The following TMEM201 variants were observed in gnomAD, a reference collection of about 807,000 sequenced individuals.
TMEM201 encodes transmembrane protein 201, also known as RP13-15M17.2.
In TMEM201, 26 loss-of-function variants were observed where a neutral mutation model predicts 63.4. That is an observed-to-expected ratio of 0.41 (90% CI 0.30 to 0.57). The LOEUF is 0.57. TMEM201 is among the 20% of genes least tolerant of loss of function. The probability of loss-of-function intolerance (pLI) is 0.29; values close to 1 mark genes in which losing one functional copy is unlikely to be tolerated. For synonymous variants in TMEM201, 417 were observed against 421.6 expected, an observed-to-expected ratio of 0.99 and a Z score of 0.14; for missense variants, 794 against 917.7, an observed-to-expected ratio of 0.87 and a Z score of 1.74.
chr1:9,613,009 C>T lies in TMEM201; in HGVS notation c.1927C>T (p.Arg643Trp), dbSNP rs766120422. ...WRGRFGPSLV[R>W]GLLAVSLAAN... is the part of the protein sequence containing the mutation. ...AGGTCGTTTCGGCCCTTCCCTGGTC[C>T]GGGGCCTCCTGGCCGTGAGCTTGGC... is the stretch of plus-strand genomic sequence containing the variant. Residue 643 changes from arginine (R) to tryptophan (W), a missense_variant, in exon 11 of 11, where the codon CGG (arginine) becomes TGG (tryptophan). Physicochemically the swap from Arg to Trp is moderately radical, Grantham distance 101. Coordinates refer to ENST00000340381, the MANE Select transcript of TMEM201 (RefSeq NM_001130924.3). 59 of 1,551,430 alleles carry T rather than the reference C, an allele frequency of 3.8e-5. No homozygotes were observed. In the South Asian group the frequency reaches 5.8e-4, roughly 15 times the overall value.
chr1:9,611,611 C>G, intron 9 of TMEM201, 142 bp from the exon 10 acceptor site: 2 of 1,056,542 alleles, frequency 1.9e-6, no homozygotes, highest in South Asian at 1.5e-5. Context: ...TGGCCCCCCA[C>G]TGTCCAGGGT....
rs776571071 is a variant in TMEM201 at position 9,601,097 on chromosome 1, C to T, written c.607-8C>T. The stretch of plus-strand genomic sequence containing the variant: ...TCTCACTAACCCGCCTCTCTTCCTC[C>T]TTTGCAGAACTTCTCCTCCGCCGTG... On this transcript the variant is annotated splice_polypyrimidine_tract_variant and splice_region_variant and intron_variant, in intron 4 of 10. Coordinates refer to ENST00000340381, the MANE Select transcript of TMEM201 (RefSeq NM_001130924.3). 5.1e-6 allele frequency: 8 copies of T among 1,576,210 alleles called. No homozygotes were observed. Among genetic ancestry groups the T allele is most frequent in the Non-Finnish European group, 6.9e-6 (8 of 1,154,864 alleles).
At position 9,596,870 on chromosome 1, in the gene TMEM201, C is replaced by T. The variant is rs530720324; in HGVS notation, c.246C>T (p.Tyr82=). ...CCTCTCTCCCGCAGAACGGCGACTA[C>T]AACAAGCCGATCCCCGCCCAGTACT... is the stretch of plus-strand genomic sequence containing the variant. ...QYNGFQENGD[Y]NKPIPAQYLE... is the part of the protein sequence containing the mutation. The change falls in exon 3 of 11, where the codon TAC becomes TAT. Residue 82 remains tyrosine (Y), a synonymous_variant. Coordinates refer to ENST00000340381, the MANE Select transcript of TMEM201 (RefSeq NM_001130924.3). The T allele has an allele frequency of 4.9e-5, 78 of 1,591,894 alleles. 1 individual carries two copies. In the South Asian group the frequency reaches 7.8e-4, roughly 16 times the overall value.
chr1:9,595,786 C>T (rs1644006708), intron 1 of TMEM201, 104 bp from the exon 2 acceptor site: 2 of 1,544,998 alleles, frequency 1.3e-6, no homozygotes, highest in African/African-American at 1.4e-5. Context: ...CCAGATCCCA[C>T]TCCCAGCACC....
At position 9,607,711 on chromosome 1, in the gene TMEM201, C is replaced by A. The variant is rs754237560; in HGVS notation, c.1315C>A (p.Arg439=). Reference sequence around the variant, plus strand: ...CCAGCAGCTCTTCCGGTCTCCTCGACGGACCTCACCCTCCTCATTGCCTGG... The same window carrying A: ...CCAGCAGCTCTTCCGGTCTCCTCGAAGGACCTCACCCTCCTCATTGCCTGG... ...ANQQLFRSPR[R]TSPSSLPGRL... is the part of the protein sequence containing the mutation. The change falls in exon 7 of 11, where the codon CGG becomes AGG. Residue 439 remains arginine (R), a synonymous_variant. Transcript: ENST00000340381. The surrounding 1 kb of genome is among the most constrained non-coding windows in gnomAD (Gnocchi z 5.4). 6.4e-7 allele frequency: 1 copy of A among 1,551,900 alleles called. No homozygotes were observed. Among genetic ancestry groups the A allele is most frequent in the Admixed American group, 2.0e-5 (1 of 51,014 alleles).
chr1:9,613,242 C>T lies in TMEM201; in HGVS notation c.*159C>T. ...TGTCCTCAGGACACCTGCCCCTCCT[C>T]ACCTAACGGACTGCAGGGCTGAGCA... On this transcript the variant is annotated 3_prime_UTR_variant, in exon 11 of 11. Transcript: ENST00000340381. The T allele has an allele frequency of 3.1e-6, 2 of 654,948 alleles. No individual in the cohort carries two copies. The highest frequency in any genetic ancestry group is 2.7e-6 in the Non-Finnish European group (1 of 377,188). 40.6% of individuals were successfully genotyped at this position (654,948 alleles called of 1,614,324 possible).
intron 6 of TMEM201, chr1:9,606,083 C>G (rs1185869828): frequency 6.6e-6 from 1 of 152,336 alleles, no homozygotes; most frequent in African/African-American, 2.4e-5. Flanking sequence ...CTGCCCCTGC[C>G]TAAAGGTGCC....
rs114023239 is a variant in TMEM201 at position 9,601,242 on chromosome 1, G to T, written c.744G>T (p.Leu248=). Residue 248 remains leucine (L), a synonymous_variant, in exon 5 of 11, where the codon CTG becomes CTT. Coordinates refer to ENST00000340381, the MANE Select transcript of TMEM201 (RefSeq NM_001130924.3). ...TCGCCCCAGGCACCACTGTGCCCCT[G>T]GCCCTGCCACCTGGTGGCAATGGCT... The part of the protein sequence containing the change: ...GHFAPGTTVP[L]ALPPGGNGSA... 1,108 of 1,611,528 alleles carry T rather than the reference G, an allele frequency of 6.9e-4. 8 individuals are homozygous for T. The African/African-American group carries it at 0.013, about 19-fold the overall frequency.
At chr1:9,599,877 C>T (rs143244897) in intron 4 of TMEM201, among the ~76,000 whole-genome samples, 109 of 152,328 alleles carry the variant, frequency 7.2e-4, no homozygotes, top group African/African-American at 2.6e-3. Flanking sequence ...ACATTACAGG[C>T]GTGAGCCACT....
intron 6 of TMEM201, chr1:9,602,584 G>T (rs1644167322): frequency 7.8e-7 from 1 of 1,279,944 alleles, no homozygotes; most frequent in African/African-American, 1.5e-5. Context: ...GCCCACACAG[G>T]CTCTGGCCCA....
Position 9,597,038 on chromosome 1 carries a change from C to G in TMEM201, c.414C>G (p.Phe138Leu). ...QTTKIKQLAA[F>L]APREEGRYDE... ...CCAAGATCAAGCAGCTGGCCGCCTT[C>G]GCTCCCCGCGAGGAGGTGAGGCCGG... Residue 138 changes from phenylalanine (F) to leucine (L), a missense_variant, in exon 3 of 11, where the codon TTC becomes TTG. By Grantham distance (22) the Phe-to-Leu change is conservative. Coordinates refer to ENST00000340381, the MANE Select transcript of TMEM201 (RefSeq NM_001130924.3). 2 of 1,605,606 alleles carry G rather than the reference C, an allele frequency of 1.2e-6. No homozygotes were observed. The highest frequency in any genetic ancestry group is 1.7e-6 in the Non-Finnish European group (2 of 1,174,354).
chr1:9,601,749 G>A (rs1644147462), intron 5 of TMEM201, among the ~76,000 whole-genome samples: 1 of 148,732 alleles, frequency 6.7e-6, no homozygotes, highest in Admixed American at 6.6e-5. Flanking sequence ...TGGGTTGTGG[G>A]GGCTCACGTG....
chr1:9,609,123 C>T (rs1247318061), intron 7 of TMEM201, among the ~76,000 whole-genome samples: 1 of 152,226 alleles, frequency 6.6e-6, no homozygotes. Flanking sequence ...AAGACGGCCT[C>T]TCCCAGCATC....
At chr1:9,598,854 G>C (rs536175174) in intron 4 of TMEM201, among the ~76,000 whole-genome samples, 3 of 152,100 alleles carry the variant, frequency 2.0e-5, no homozygotes, top group South Asian at 4.2e-4. Flanking sequence ...TCTCCGTGTT[G>C]TTCAGGCTGG....
chr1:9,595,187 AG>A (rs1339428757), intron 1 of TMEM201, among the ~76,000 whole-genome samples: 1 of 152,072 alleles, frequency 6.6e-6, no homozygotes, highest in Non-Finnish European at 1.5e-5. Flanking sequence ...AGGTGGGTAG[AG>A]GGGGGCCCAG....
chr1:9,595,882 G>A lies in TMEM201; in HGVS notation c.114-8G>A, dbSNP rs1644009003. The A allele has an allele frequency of 1.9e-6, 3 of 1,612,966 alleles. No individual in the cohort carries two copies. Among genetic ancestry groups the A allele is most frequent in the Non-Finnish European group, 2.5e-6 (3 of 1,179,946 alleles). On this transcript the variant is annotated splice_polypyrimidine_tract_variant and splice_region_variant and intron_variant, in intron 1 of 10. Coordinates refer to ENST00000340381, the MANE Select transcript of TMEM201 (RefSeq NM_001130924.3). ...TCCAGGCCAACCCGCTCTTTCCTTG[G>A]TCCACAGGATGAAGCCAACGCACAC...
Position 9,604,396 on chromosome 1 carries a change from T to C in TMEM201, c.1160+2124T>C. 1.0e-6 allele frequency: 1 copy of C among 985,424 alleles called. No individual in the cohort carries two copies. The highest frequency in any genetic ancestry group is 1.7e-5 in the African/African-American group (1 of 57,356). The allele number at this position is 985,424 out of a possible 1,614,324, so 61.0% of individuals were successfully genotyped here. On this transcript the variant is annotated intron_variant, in intron 6 of 10. Transcript: ENST00000340381. The surrounding 1 kb of genome is among the most constrained non-coding windows in gnomAD (Gnocchi z 4.1). ...GATTCCTGCCTTTCGTAGAGTTTTG[T>C]GTGACTTTTTAAATTATTCATGTGT...
At chr1:9,599,188 C>T (rs1294377684) in intron 4 of TMEM201, among the ~76,000 whole-genome samples, 2 of 151,888 alleles carry the variant, frequency 1.3e-5, no homozygotes, top group Non-Finnish European at 2.9e-5. Context: ...GATCCTCCCA[C>T]TTTGGCCTCC....
rs746237705 is a variant in TMEM201, at chr1:9,602,222, G to A, written c.1110G>A (p.Ala370=). The change falls in exon 6 of 11, where the codon GCG becomes GCA. Residue 370 remains alanine, a synonymous_variant. Transcript: ENST00000340381. ...TGTGCTGCCTGGTTGGCTTCACGGCGGCTGTGGCCACAAGGAAGGCAACGG... is the reference window on the plus strand; with the variant it reads ...TGTGCTGCCTGGTTGGCTTCACGGCAGCTGTGGCCACAAGGAAGGCAACGG... ...TSLCCLVGFT[A]AVATRKATGP... 5.0e-6 allele frequency: 8 copies of A among 1,612,612 alleles called. No homozygotes were observed. Among genetic ancestry groups the A allele is most frequent in the South Asian group, 2.2e-5 (2 of 91,056 alleles).
Sources: gnomAD v4.1 joint callset for allele counts (sites outside exome capture counted in the v4.1 genomes callset) on GRCh38, gnomAD v4.1.1 for gene constraint, Gnocchi (gnomAD v3.1) non-coding constraint, MANE v1.5 for transcripts, NCBI Gene and HGNC (gene_info 2026-07-23, HGNC 2026-07-21) for gene names.